CORIN: variants seen among roughly 807,000 people sequenced by gnomAD.
CORIN encodes corin, serine peptidase.
A neutral mutation model predicts 125.3 loss-of-function variants in CORIN; 117 were observed. The ratio of observed to expected loss-of-function variants is 0.93; its 90% confidence interval spans 0.80 to 1.09. CORIN has a LOEUF of 1.09. Ranked by LOEUF, CORIN falls within the 50% of genes least tolerant of loss-of-function variation. CORIN has a pLI of 0.00. For missense variants in CORIN, 1,253 were observed against 1,306.7 expected (o/e 0.96, Z 0.63); for synonymous variants, 450 against 466.4 (o/e 0.96, Z 0.45).
At chr4:47,597,213 G>A (rs1214085329) in intron 21 of CORIN, among the ~76,000 whole-genome samples, 4 of 152,242 alleles carry the variant, frequency 2.6e-5, no homozygotes, top group Non-Finnish European at 5.9e-5. Context: ...TTAGCCAGGT[G>A]TGGTTGTGGA....
intron 5 of CORIN, among the ~76,000 whole-genome samples, chr4:47,735,881 G>A (rs931775982): frequency 9.4e-5 from 14 of 148,866 alleles, no homozygotes; most frequent in Non-Finnish European, 1.2e-4. Context: ...AGCAGAGATC[G>A]CGTCACTGCA....
At chr4:47,621,753 GT>G (rs541917622) in intron 19 of CORIN, among the ~76,000 whole-genome samples, 18 of 149,286 alleles carry the variant, frequency 1.2e-4, no homozygotes, top group African/African-American at 2.2e-4. Context: ...CTGTGAAGGT[GT>G]TTTTTTTTAT....
At chr4:47,689,655 T>C (rs1725679644) in intron 6 of CORIN, among the ~76,000 whole-genome samples, 2 of 152,374 alleles carry the variant, frequency 1.3e-5, no homozygotes, top group South Asian at 2.1e-4. Context: ...ATTCATCTAC[T>C]AAGCACTTGC....
chr4:47,730,570 G>C (rs1476459234), intron 5 of CORIN, among the ~76,000 whole-genome samples: 1 of 151,334 alleles, frequency 6.6e-6, no homozygotes, highest in Non-Finnish European at 1.5e-5. Flanking sequence ...GAGCCCAAAA[G>C]CACTCTTGCA....
chr4:47,676,670 T>C (rs941920742), intron 9 of CORIN, among the ~76,000 whole-genome samples: 1 of 152,206 alleles, frequency 6.6e-6, no homozygotes, highest in African/African-American at 2.4e-5. Flanking sequence ...TCCATTAAAG[T>C]GAACAATATA....
intron 3 of CORIN, among the ~76,000 whole-genome samples, chr4:47,778,192 G>C (rs1730383973): frequency 6.6e-6 from 1 of 152,194 alleles, no homozygotes; most frequent in African/African-American, 2.4e-5. Context: ...TGAAGCTGGA[G>C]AGAAAAAATT....
chr4:47,699,409 A>T (rs985343754), intron 5 of CORIN, among the ~76,000 whole-genome samples: 3 of 152,172 alleles, frequency 2.0e-5, no homozygotes, highest in Admixed American at 1.3e-4. Context: ...GACCATCAAA[A>T]TTGCAGTCTT....
chr4:47,648,674 A>G (rs1367856284), intron 13 of CORIN, among the ~76,000 whole-genome samples: 1 of 152,228 alleles, frequency 6.6e-6, no homozygotes, highest in Non-Finnish European at 1.5e-5. Context: ...ATGCAGCTAT[A>G]GAGTAAGTAG....
intron 19 of CORIN, among the ~76,000 whole-genome samples, chr4:47,612,269 C>CA (rs199661559): frequency 0.017 from 2,656 of 152,278 alleles, 53 homozygotes; most frequent in Middle Eastern, 0.075. Flanking sequence ...TGTCACATCA[C>CA]AAGCCCTGCC....
chr4:47,830,625 T>C (rs1732941011), intron 1 of CORIN, among the ~76,000 whole-genome samples: 1 of 152,226 alleles, frequency 6.6e-6, no homozygotes, highest in Non-Finnish European at 1.5e-5. Context: ...TGTATTCTTT[T>C]TGTCCAGCCT....
chr4:47,736,823 C>A (rs1728157219), intron 5 of CORIN, among the ~76,000 whole-genome samples: 1 of 152,164 alleles, frequency 6.6e-6, no homozygotes, highest in Non-Finnish European at 1.5e-5. Flanking sequence ...GATAAGCCAG[C>A]AGAACTTTTG....
chr4:47,638,874 A>C (rs1723129992), intron 16 of CORIN, among the ~76,000 whole-genome samples: 1 of 152,212 alleles, frequency 6.6e-6, no homozygotes, highest in African/African-American at 2.4e-5. Flanking sequence ...AAAGTTTTCA[A>C]ATTCAACAAA....
chr4:47,625,944 T>C (rs1722539691), intron 17 of CORIN, among the ~76,000 whole-genome samples: 1 of 152,174 alleles, frequency 6.6e-6, no homozygotes, highest in Non-Finnish European at 1.5e-5. Flanking sequence ...CTGTTTAAGA[T>C]GCAATGATTT....
chr4:47,610,407 T>C (rs1721825114), intron 19 of CORIN, among the ~76,000 whole-genome samples: 1 of 152,232 alleles, frequency 6.6e-6, no homozygotes, highest in African/African-American at 2.4e-5. Context: ...TGTCTTCTTT[T>C]GAGAAGTGTC....
At chr4:47,685,566 T>G (rs1725473944) in intron 6 of CORIN, among the ~76,000 whole-genome samples, 1 of 152,142 alleles carries the variant, frequency 6.6e-6, no homozygotes, top group Non-Finnish European at 1.5e-5. Context: ...GATGCAAACA[T>G]TCTAGAACTG....
At chr4:47,708,400 CT>C (rs1440912580) in intron 5 of CORIN, among the ~76,000 whole-genome samples, 1 of 152,122 alleles carries the variant, frequency 6.6e-6, no homozygotes, top group Non-Finnish European at 1.5e-5. Flanking sequence ...TTCTGCCTAC[CT>C]TTTTAAAGAT....
chr4:47,710,692 T>C (rs1055966446), intron 5 of CORIN, among the ~76,000 whole-genome samples: 2 of 152,250 alleles, frequency 1.3e-5, no homozygotes, highest in Admixed American at 6.5e-5. Context: ...CCCGGCCACC[T>C]TGTTGCCCTG....
intron 4 of CORIN, among the ~76,000 whole-genome samples, chr4:47,746,100 G>C (rs1006329899): frequency 1.1e-4 from 16 of 152,172 alleles, no homozygotes; most frequent in African/African-American, 3.9e-4. Flanking sequence ...AAATATATTA[G>C]ATATTTCTGG....
At chr4:47,767,932 C>T (rs1200358894) in intron 3 of CORIN, among the ~76,000 whole-genome samples, 1 of 152,194 alleles carries the variant, frequency 6.6e-6, no homozygotes, top group African/African-American at 2.4e-5. Context: ...ACCTGTCAGG[C>T]CTCTGAGCCC....
Sources: gnomAD v4.1 joint callset for allele counts (sites outside exome capture counted in the v4.1 genomes callset) on GRCh38, gnomAD v4.1.1 for gene constraint, MANE v1.5 for transcripts, NCBI Gene and HGNC (gene_info 2026-07-23, HGNC 2026-07-21) for gene names.